SH3BP5: variants seen among roughly 807,000 people sequenced by gnomAD.
The protein encoded by SH3BP5 is SH3 domain binding protein 5, also known as SH3 domain-binding protein 5.
In SH3BP5, 22 loss-of-function variants were observed where a neutral mutation model predicts 43.3. The ratio of observed to expected loss-of-function variants is 0.51; its 90% confidence interval spans 0.36 to 0.73. The LOEUF is 0.73. SH3BP5 is among the 30% of genes least tolerant of loss of function. The probability of loss-of-function intolerance (pLI) is 0.00; values close to 1 mark genes in which losing one functional copy is unlikely to be tolerated. For missense variants in SH3BP5, 529 were observed against 586.9 expected (o/e 0.90, Z 1.02); for synonymous variants, 255 against 225.8 (o/e 1.13, Z -1.16).
At chr3:15,265,561 A>ACAC (rs1553613901) in intron 4 of SH3BP5, among the ~76,000 whole-genome samples, 6 of 44,486 alleles carry the variant, frequency 1.3e-4, no homozygotes, top group East Asian at 7.5e-4. Flanking sequence ...CACACACACA[A>ACAC]CCCTCCAGCT....
rs771200410 is a variant in SH3BP5, at chr3:15,259,490, C to T, written c.669+271G>A. On this transcript the variant is annotated intron_variant, in intron 6 of 8. Coordinates refer to ENST00000383791, the MANE Select transcript of SH3BP5 (RefSeq NM_004844.5). ...GAGTGGGACCTGGTCTATCAGGTCT[C>T]CAGGTGATGCTGATGCTGCTGGTCC... The T allele has an allele frequency of 3.2e-4, 186 of 573,668 alleles. 1 individual carries two copies. Among genetic ancestry groups the T allele is most frequent in the Admixed American group, 9.0e-5 (3 of 33,176 alleles). 35.5% of individuals were successfully genotyped at this position (573,668 alleles called of 1,614,324 possible). A position where few individuals can be genotyped will look rare whatever the true frequency, so the allele number is the denominator to read the frequency against.
chr3:15,282,588 C>A (rs1358650915), intron 3 of SH3BP5, among the ~76,000 whole-genome samples: 1 of 151,624 alleles, frequency 6.6e-6, no homozygotes, highest in East Asian at 1.9e-4. Context: ...CAAAAAATAA[C>A]CACGGTTTCT....
At chr3:15,293,405 G>A (rs1051675439) in intron 3 of SH3BP5, among the ~76,000 whole-genome samples, 1 of 152,228 alleles carries the variant, frequency 6.6e-6, no homozygotes, top group African/African-American at 2.4e-5. Context: ...AAGAAGGAAG[G>A]CATGACAAAG....
intron 3 of SH3BP5, chr3:15,276,129 G>A (rs986266687): frequency 4.6e-5 from 7 of 151,044 alleles, no homozygotes; most frequent in African/African-American, 1.2e-4. Flanking sequence ...AGCATTCCAC[G>A]AAGGGTCATC....
chr3:15,292,277 A>G (rs1697433698), intron 3 of SH3BP5, among the ~76,000 whole-genome samples: 1 of 152,202 alleles, frequency 6.6e-6, no homozygotes, highest in South Asian at 2.1e-4. Flanking sequence ...TCTAACCACT[A>G]TGCTGTGGTG....
chr3:15,304,056 G>T lies in SH3BP5; in HGVS notation c.330+47C>A, dbSNP rs112606088. On this transcript the variant is annotated intron_variant, in intron 3 of 8. Transcript: ENST00000383791. ...AGTCAAAGGCACCCTTAAAACTGAG[G>T]GGTAGTGAGGCTCGAGGTAGGGGAG... The T allele has an allele frequency of 2.5e-4, 382 of 1,513,638 alleles. 1 individual carries two copies. In the African/African-American group the frequency reaches 4.4e-3, roughly 17 times the overall value. 93.8% of individuals were successfully genotyped at this position (1,513,638 alleles called of 1,614,324 possible).
At position 15,262,142 on chromosome 3, in the gene SH3BP5, G is replaced by A; in HGVS notation, c.626+17C>T. 1 of 1,613,700 alleles carries A rather than the reference G, an allele frequency of 6.2e-7. No individual in the cohort carries two copies. Among genetic ancestry groups the A allele is most frequent in the Non-Finnish European group, 8.5e-7 (1 of 1,179,688 alleles). ...GGACAGCCGCACGGCCCCAGGGAAG[G>A]CCCTGTCCAGACTTACTTGGACTTG... On this transcript the variant is annotated intron_variant, in intron 5 of 8. Coordinates refer to ENST00000383791, the MANE Select transcript of SH3BP5 (RefSeq NM_004844.5).
At chr3:15,297,444 T>C (rs1228021818) in intron 3 of SH3BP5, among the ~76,000 whole-genome samples, 1 of 152,272 alleles carries the variant, frequency 6.6e-6, no homozygotes, top group Middle Eastern at 3.4e-3. Context: ...ATACTCAACA[T>C]TTGATAGAAA....
At chr3:15,311,903 C>CT (rs1393169350) in intron 2 of SH3BP5, among the ~76,000 whole-genome samples, 1 of 152,142 alleles carries the variant, frequency 6.6e-6, no homozygotes, top group African/African-American at 2.4e-5. Flanking sequence ...CTCCTGGGCT[C>CT]AAGCGATTCT....
intron 2 of SH3BP5, among the ~76,000 whole-genome samples, chr3:15,321,331 C>T (rs1698319991): frequency 6.6e-6 from 1 of 152,098 alleles, no homozygotes; most frequent in African/African-American, 2.4e-5. Flanking sequence ...CTTTATAGCA[C>T]TTTTCATCCT....
upstream of SH3BP5, chr3:15,332,615 C>G (rs930433561): frequency 1.4e-5 from 17 of 1,187,302 alleles, 1 homozygote; most frequent in South Asian, 8.2e-5. Context: ...CCCTTTCTGC[C>G]GCGGCAGTCA....
chr3:15,330,671 A>G lies in SH3BP5; in HGVS notation c.139-105T>C. On this transcript the variant is annotated intron_variant, in intron 1 of 8. Coordinates refer to ENST00000383791, the MANE Select transcript of SH3BP5 (RefSeq NM_004844.5). ...AAATTACCCCAGCCCAATTTGCAGG[A>G]AAAGGGAAGAATCAGAATTAATTCT... The G allele has an allele frequency of 5.0e-6, 7 of 1,398,412 alleles. No homozygotes were observed. In the South Asian group the frequency reaches 1.1e-4, roughly 22 times the overall value. 86.6% of individuals were successfully genotyped at this position (1,398,412 alleles called of 1,614,324 possible). A position where few individuals can be genotyped will look rare whatever the true frequency, so the allele number is the denominator to read the frequency against.
intron 3 of SH3BP5, among the ~76,000 whole-genome samples, chr3:15,297,241 G>C (rs972875262): frequency 6.6e-6 from 1 of 151,884 alleles, no homozygotes; most frequent in Non-Finnish European, 1.5e-5. Flanking sequence ...CATCATTTTC[G>C]ATCCTCCAGC....
At chr3:15,277,157 T>C (rs1312429815) in intron 3 of SH3BP5, among the ~76,000 whole-genome samples, 2 of 152,098 alleles carry the variant, frequency 1.3e-5, no homozygotes, top group African/African-American at 4.8e-5. Context: ...GGTTTTTTAG[T>C]AGATACAACG....
At chr3:15,315,480 T>C (rs1698162648) in intron 2 of SH3BP5, among the ~76,000 whole-genome samples, 1 of 152,160 alleles carries the variant, frequency 6.6e-6, no homozygotes, top group Non-Finnish European at 1.5e-5. Context: ...CCTGTCCTTA[T>C]CTGAACCACC....
chr3:15,321,415 T>C (rs573865685), intron 2 of SH3BP5, among the ~76,000 whole-genome samples: 2 of 152,280 alleles, frequency 1.3e-5, no homozygotes, highest in African/African-American at 2.4e-5. Flanking sequence ...AGGTTTTATC[T>C]ACAATTAAGG....
intron 3 of SH3BP5, among the ~76,000 whole-genome samples, chr3:15,280,425 T>C (rs927151536): frequency 3.9e-5 from 6 of 152,084 alleles, no homozygotes; most frequent in African/African-American, 1.4e-4. Context: ...CCACCAAACC[T>C]AGACTCCTCA....
intron 5 of SH3BP5, 102 bp downstream of exon 5, chr3:15,262,057 G>T: frequency 7.3e-7 from 1 of 1,377,938 alleles, no homozygotes. Context: ...CTACATCAAA[G>T]GACTACTCAG....
chr3:15,258,308 G>A (rs1407425013), intron 7 of SH3BP5: 3 of 152,520 alleles, frequency 2.0e-5, no homozygotes, highest in Admixed American at 2.0e-4. Flanking sequence ...AGGTCTCTAT[G>A]GTCAGATGTC....
Sources: gnomAD v4.1 joint callset for allele counts (sites outside exome capture counted in the v4.1 genomes callset) on GRCh38, gnomAD v4.1.1 for gene constraint, MANE v1.5 for transcripts, NCBI Gene and HGNC (gene_info 2026-07-23, HGNC 2026-07-21) for gene names.